The following DENND4A variants were observed in gnomAD, a reference collection of about 807,000 sequenced individuals.
The protein encoded by DENND4A is C-myc promoter-binding protein.
DENND4A carries 70 observed loss-of-function variants against 199.3 expected under a neutral mutation model. The ratio of observed to expected loss-of-function variants is 0.35; its 90% confidence interval spans 0.29 to 0.43. The LOEUF (loss-of-function observed/expected upper bound fraction) is 0.43, where lower values mean the gene tolerates loss of function less well. Ranked by LOEUF, DENND4A falls within the 20% of genes least tolerant of loss-of-function variation. The pLI, the probability that DENND4A is intolerant of heterozygous loss-of-function variation, is 1.00. For synonymous variants in DENND4A, 686 were observed against 766.9 expected (o/e 0.89, Z 1.74); for missense variants, 1,723 against 2,255.8 (o/e 0.76, Z 4.78).
intron 1 of DENND4A, among the ~76,000 whole-genome samples, chr15:65,764,073 A>C (rs1217534862): frequency 6.6e-6 from 1 of 152,220 alleles, no homozygotes; most frequent in African/African-American, 2.4e-5. Context: ...AGACTTATTT[A>C]GATGTAATTA....
intron 4 of DENND4A, among the ~76,000 whole-genome samples, chr15:65,743,517 C>T (rs2076311179): frequency 6.6e-6 from 1 of 152,208 alleles, no homozygotes; most frequent in African/African-American, 2.4e-5. Flanking sequence ...TTCCCCTCTA[C>T]TCCCAATCCC....
rs537549723 is a variant in DENND4A at position 65,701,032 on chromosome 15, A to T, written c.2701+19T>A. 7.6e-6 allele frequency: 12 copies of T among 1,583,752 alleles called. No homozygotes were observed. Among genetic ancestry groups the T allele is most frequent in the Non-Finnish European group, 1.0e-5 (12 of 1,171,834 alleles). ...ATCAATTAATTTTGAAGAACAAGTA[A>T]AACACATACATCCCTTACCTGAGAG... On this transcript the variant is annotated intron_variant, in intron 19 of 32. Coordinates refer to ENST00000443035, the MANE Select transcript of DENND4A (RefSeq NM_001320835.1).
In DENND4A at chr15:65,664,718, T is replaced by C. The variant is rs1459021552; in HGVS notation, c.5364A>G (p.Gln1788=). 2.5e-6 allele frequency: 4 copies of C among 1,609,984 alleles called. No homozygotes were observed. The highest frequency in any genetic ancestry group is 1.7e-4 in the Middle Eastern group (1 of 6,050). Reference sequence around the variant, plus strand: ...GCAATAAATGGACCATTGGATATTTTTGGGCTGTAAACGAACAAAAGAACA... The same window carrying C: ...GCAATAAATGGACCATTGGATATTTCTGGGCTGTAAACGAACAAAAGAACA... ...PLYILWNAHT[Q]KYPMVHLLQK... The change falls in exon 31 of 33, where the codon CAA becomes CAG. Residue 1788 remains glutamine (Q), a synonymous_variant. Coordinates refer to ENST00000443035, the MANE Select transcript of DENND4A (RefSeq NM_001320835.1).
chr15:65,736,334 C>G (rs1272812654), intron 7 of DENND4A, among the ~76,000 whole-genome samples: 2 of 152,094 alleles, frequency 1.3e-5, no homozygotes, highest in Non-Finnish European at 2.9e-5. Flanking sequence ...TCTTGGCTCA[C>G]TGCAACCTCC....
At chr15:65,715,938 T>G (rs1343403165) in intron 13 of DENND4A, among the ~76,000 whole-genome samples, 1 of 152,028 alleles carries the variant, frequency 6.6e-6, no homozygotes, top group Non-Finnish European at 1.5e-5. Context: ...TGCACATACT[T>G]GCTCTCACAC....
chr15:65,698,847 C>T (rs975764067), intron 20 of DENND4A, among the ~76,000 whole-genome samples: 4 of 145,414 alleles, frequency 2.8e-5, no homozygotes, highest in South Asian at 2.2e-4. Context: ...AAGCAATTCT[C>T]GTGCCTACGC....
intron 14 of DENND4A, 95 bp from the exon 15 acceptor site, chr15:65,706,319 G>A: frequency 8.4e-7 from 1 of 1,197,116 alleles, no homozygotes; most frequent in Non-Finnish European, 1.1e-6. Flanking sequence ...TCTGCACAAT[G>A]GATACTAAAC....
chr15:65,669,049 A>C (rs1244286896), intron 27 of DENND4A, among the ~76,000 whole-genome samples: 2 of 152,200 alleles, frequency 1.3e-5, no homozygotes, highest in African/African-American at 4.8e-5. Flanking sequence ...AAGCAGAGAA[A>C]AAAGGCACAT....
intron 27 of DENND4A, 48 bp downstream of exon 27, chr15:65,669,731 T>C (rs1364092413): frequency 3.4e-6 from 5 of 1,475,690 alleles, no homozygotes; most frequent in Non-Finnish European, 4.6e-6. Context: ...TTCTAAAATA[T>C]GTGTAAATAT....
chr15:65,664,538 T>A, intron 31 of DENND4A, 22 bp downstream of exon 31: 1 of 1,602,784 alleles, frequency 6.2e-7, no homozygotes, highest in East Asian at 2.2e-5. Flanking sequence ...GAACAATATA[T>A]TCGTCTAAGA....
intron 23 of DENND4A, among the ~76,000 whole-genome samples, chr15:65,689,729 T>C (rs1435671538): frequency 6.6e-6 from 1 of 152,136 alleles, no homozygotes; most frequent in Non-Finnish European, 1.5e-5. Flanking sequence ...ATTTGGAAAA[T>C]GTCTTGAAGG....
At chr15:65,680,567 GAA>G (rs1469729876) in intron 23 of DENND4A, 1 of 152,164 alleles carries the variant, frequency 6.6e-6, no homozygotes, top group East Asian at 1.9e-4. Context: ...TTATAAAAAA[GAA>G]TGATTTTACA....
chr15:65,698,332 C>T (rs944501443), intron 20 of DENND4A, among the ~76,000 whole-genome samples: 3 of 152,026 alleles, frequency 2.0e-5, no homozygotes, highest in Non-Finnish European at 4.4e-5. Context: ...GCTAAAGAGG[C>T]TCTGCATCAT....
At chr15:65,735,927 A>C (rs1419747999) in intron 7 of DENND4A, among the ~76,000 whole-genome samples, 1 of 152,148 alleles carries the variant, frequency 6.6e-6, no homozygotes. Context: ...CCCAATCTCT[A>C]CCAAAAATAC....
At chr15:65,759,718 T>G (rs1414246376) in intron 2 of DENND4A, among the ~76,000 whole-genome samples, 1 of 152,184 alleles carries the variant, frequency 6.6e-6, no homozygotes, top group Admixed American at 6.5e-5. Flanking sequence ...ATATAACAAG[T>G]GCTCCAAAAA....
chr15:65,770,650 TTTTTG>T (rs1318337759), intron 1 of DENND4A, among the ~76,000 whole-genome samples: 1 of 152,160 alleles, frequency 6.6e-6, no homozygotes, highest in Non-Finnish European at 1.5e-5. Flanking sequence ...AAAGTTAAAG[TTTTTG>T]TTTTTTCTTT....
intron 27 of DENND4A, among the ~76,000 whole-genome samples, chr15:65,669,105 A>G (rs2076138023): frequency 6.6e-6 from 1 of 152,216 alleles, no homozygotes; most frequent in African/African-American, 2.4e-5. Flanking sequence ...AAGGGCTACA[A>G]TAGACCGGTG....
chr15:65,701,720 G>A (rs776406088), intron 18 of DENND4A, 42 bp downstream of exon 18: 1 of 1,578,574 alleles, frequency 6.3e-7, no homozygotes, highest in Non-Finnish European at 8.7e-7. Context: ...GTTGCATAAT[G>A]ACAAAAGTAA....
chr15:65,706,754 A>G (rs898000846), intron 14 of DENND4A, among the ~76,000 whole-genome samples: 3 of 152,166 alleles, frequency 2.0e-5, no homozygotes, highest in Non-Finnish European at 4.4e-5. Context: ...TTGGCCTCCC[A>G]AAGTGCTGGG....
Sources: gnomAD v4.1 joint callset for allele counts (sites outside exome capture counted in the v4.1 genomes callset) on GRCh38, gnomAD v4.1.1 for gene constraint, MANE v1.5 for transcripts, NCBI Gene and HGNC (gene_info 2026-07-23, HGNC 2026-07-21) for gene names.